Variants in TCEA2 observed in about 807,000 individuals in gnomAD.
TCEA2 encodes the protein transcription elongation factor A2, also known as transcription elongation factor A protein 2.
In TCEA2, 21 loss-of-function variants were observed where a neutral mutation model predicts 40.8. That is an observed-to-expected ratio of 0.51 (90% CI 0.36 to 0.74). TCEA2 has a LOEUF of 0.74. Among genes scored for constraint, TCEA2 ranks in the 30% least tolerant of loss-of-function variants. The probability of loss-of-function intolerance (pLI) is 0.00; values close to 1 mark genes in which losing one functional copy is unlikely to be tolerated. For synonymous variants in TCEA2, 165 were observed against 162.7 expected (o/e 1.01, Z -0.11); for missense variants, 326 against 426.5 (o/e 0.76, Z 2.08).
intron 1 of TCEA2, among the ~76,000 whole-genome samples, chr20:64,064,675 G>C (rs1482110456): frequency 6.6e-6 from 1 of 152,152 alleles, no homozygotes; most frequent in Non-Finnish European, 1.5e-5. Flanking sequence ...TTTGGGCTGA[G>C]CAGGGTTGAG....
chr20:64,070,701 G>T, intron 8 of TCEA2, 66 bp downstream of exon 8: 1 of 1,462,762 alleles, frequency 6.8e-7, no homozygotes, highest in Non-Finnish European at 9.1e-7. Context: ...CCCCTCCTTG[G>T]AGCCCATGCC....
chr20:64,056,397 G>A (rs1457367734), upstream of TCEA2, among the ~76,000 whole-genome samples: 1 of 152,194 alleles, frequency 6.6e-6, no homozygotes, highest in Non-Finnish European at 1.5e-5. Context: ...GCATCCAAGG[G>A]AGGCCTGGGT....
intron 3 of TCEA2, among the ~76,000 whole-genome samples, chr20:64,067,615 G>A (rs965014886): frequency 2.6e-5 from 4 of 152,246 alleles, no homozygotes; most frequent in Non-Finnish European, 5.9e-5. Context: ...TCTCTCTCCA[G>A]CCCTGTGTGG....
chr20:64,069,888 C>T, intron 6 of TCEA2, 67 bp downstream of exon 6: 2 of 1,576,580 alleles, frequency 1.3e-6, no homozygotes, highest in Non-Finnish European at 1.7e-6. Context: ...TGGCCTGGTG[C>T]CCTCTGGTGG....
chr20:64,071,992 G>A, intron 9 of TCEA2, 51 bp downstream of exon 9: 2 of 1,611,190 alleles, frequency 1.2e-6, no homozygotes, highest in Non-Finnish European at 1.7e-6. Flanking sequence ...TCTGGAGGTG[G>A]GGTGTCTCAG....
chr20:64,059,337 C>A (rs947944168), upstream of TCEA2, among the ~76,000 whole-genome samples: 2 of 152,194 alleles, frequency 1.3e-5, no homozygotes, highest in African/African-American at 4.8e-5. Context: ...GACCGCCCCC[C>A]ACCAGCTCCC....
At chr20:64,071,459 C>T (rs2145517181) in intron 8 of TCEA2, among the ~76,000 whole-genome samples, 1 of 152,272 alleles carries the variant, frequency 6.6e-6, no homozygotes, top group African/African-American at 2.4e-5. Flanking sequence ...CTGCATGGGG[C>T]CTGGGTCGGT....
At chr20:64,056,413 C>A (rs2059473906), upstream of TCEA2, among the ~76,000 whole-genome samples, 2 of 152,142 alleles carry the variant, frequency 1.3e-5, no homozygotes, top group African/African-American at 4.8e-5. Context: ...TGGGTGGGGT[C>A]CACTGGGGTC....
At chr20:64,056,812 G>T (rs1569239286), upstream of TCEA2, 2 of 152,372 alleles carry the variant, frequency 1.3e-5, no homozygotes, top group Non-Finnish European at 2.9e-5. Flanking sequence ...CTGGCCCTGT[G>T]GGGTGGACCA....
chr20:64,070,586 A>T lies in TCEA2; in HGVS notation c.770A>T (p.Asp257Val). ...QMARTGGTQT[D>V]LFTCGKCRKK... ...GCCCGCACTGGCGGCACGCAGACAG[A>T]CCTGTTCACCTGCGGCAAGTGCAGG... The change falls in exon 8 of 10, where the codon GAC becomes GTC. Residue 257 changes from aspartate (D) to valine (V), a missense_variant. Coordinates refer to ENST00000343484, the MANE Select transcript of TCEA2 (RefSeq NM_003195.6). 6.2e-7 allele frequency: 1 copy of T among 1,613,232 alleles called. No individual in the cohort carries two copies. The highest frequency in any genetic ancestry group is 1.1e-5 in the South Asian group (1 of 91,034).
intron 5 of TCEA2, 100 bp from the exon 6 acceptor site, chr20:64,069,639 GCCTGGATCGTGGGCCTCTTGCAGGGA>G: frequency 6.5e-7 from 1 of 1,534,310 alleles, no homozygotes; most frequent in Middle Eastern, 2.0e-4. Flanking sequence ...AGGGGCCTGT[GCCTGGATCGTGGGCCTCTTGCAGGGA>G]CCCGGATGTG....
chr20:64,067,510 C>T (rs1214837161), intron 3 of TCEA2, among the ~76,000 whole-genome samples: 2 of 152,210 alleles, frequency 1.3e-5, no homozygotes, highest in East Asian at 3.9e-4. Context: ...AAGGCTGCCT[C>T]TTCCTGGAGA....
At chr20:64,060,797 G>A (rs541956887), upstream of TCEA2, among the ~76,000 whole-genome samples, 2 of 151,842 alleles carry the variant, frequency 1.3e-5, no homozygotes, top group Admixed American at 1.3e-4. Flanking sequence ...CTATGATTGA[G>A]CTTTTTTTTT....
At chr20:64,058,735 G>A (rs1222190724), upstream of TCEA2, among the ~76,000 whole-genome samples, 2 of 152,242 alleles carry the variant, frequency 1.3e-5, no homozygotes, top group African/African-American at 4.8e-5. This position sits in a 1 kb window ranked among gnomAD's most constrained non-coding sequence, Gnocchi z 6.7. Context: ...TGAACAAGAT[G>A]TGACTCACTG....
intron 3 of TCEA2, among the ~76,000 whole-genome samples, chr20:64,067,424 C>T (rs2059721904): frequency 6.6e-6 from 1 of 152,148 alleles, no homozygotes. Context: ...GCAGGGCCAC[C>T]TCAGCTACTC....
chr20:64,057,113 A>C (rs1049588417), upstream of TCEA2: 3 of 151,828 alleles, frequency 2.0e-5, no homozygotes, highest in African/African-American at 7.3e-5. Context: ...AAGGGGAGTG[A>C]GGCACTCCTC....
At chr20:64,058,948 T>C (rs547278857), upstream of TCEA2, among the ~76,000 whole-genome samples, 2 of 152,264 alleles carry the variant, frequency 1.3e-5, no homozygotes, top group African/African-American at 4.8e-5. The surrounding 1 kb of genome is among the most constrained non-coding windows in gnomAD (Gnocchi z 6.7). Flanking sequence ...CCCAGCACTT[T>C]GGGAGGCCGA....
At chr20:64,061,129 C>T (rs2059556620), upstream of TCEA2, among the ~76,000 whole-genome samples, 2 of 94,282 alleles carry the variant, frequency 2.1e-5, no homozygotes, top group African/African-American at 8.2e-5. Context: ...TGGAGACAGT[C>T]TCACTCTGTC....
At chr20:64,064,700 A>G (rs1326815949) in intron 1 of TCEA2, among the ~76,000 whole-genome samples, 3 of 151,986 alleles carry the variant, frequency 2.0e-5, no homozygotes, top group African/African-American at 7.3e-5. Context: ...GGTTCCTGTG[A>G]CCAGCGTTCT....
Sources: allele counts gnomAD v4.1 joint callset (sites outside exome capture counted in the v4.1 genomes callset), GRCh38; gene constraint gnomAD v4.1.1; non-coding constraint Gnocchi (gnomAD v3.1); transcripts MANE v1.5; gene names NCBI Gene and HGNC (gene_info 2026-07-23, HGNC 2026-07-21).